Variants in PDE4D observed in about 807,000 individuals in gnomAD.
PDE4D encodes the protein phosphodiesterase 4D.
A neutral mutation model predicts 87.4 loss-of-function variants in PDE4D; 24 were observed. That is an observed-to-expected ratio of 0.27 (90% CI 0.20 to 0.39). The LOEUF is 0.39. Ranked by LOEUF, PDE4D falls within the 10% of genes least tolerant of loss-of-function variation. The pLI is 1.00. For synonymous variants in PDE4D, 384 were observed against 383.2 expected (o/e 1.00, Z -0.02); for missense variants, 714 against 1,041.0 (o/e 0.69, Z 4.32).
At chr5:59,412,292 T>A (rs1346407901) in intron 1 of PDE4D, among the ~76,000 whole-genome samples, 1 of 152,224 alleles carries the variant, frequency 6.6e-6, no homozygotes, top group East Asian at 1.9e-4. Flanking sequence ...TTATAAAGGC[T>A]ACTTCTGTTA....
chr5:59,672,620 A>ACTGCAAATTTTTTGTTT (rs1175278814), intron 1 of PDE4D, among the ~76,000 whole-genome samples: 21 of 152,194 alleles, frequency 1.4e-4, no homozygotes, highest in Non-Finnish European at 4.4e-5. Flanking sequence ...CATTTTTATT[A>ACTGCAAATTTTTTGTTT]CTGCAAATTT....
At chr5:60,004,020 C>T (rs1265633956) in intron 2 of PDE4D, among the ~76,000 whole-genome samples, 2 of 151,902 alleles carry the variant, frequency 1.3e-5, no homozygotes, top group South Asian at 2.1e-4. Context: ...ACATACAATA[C>T]AAAAATGTGC....
Position 58,971,897 on chromosome 5 carries a change from G to C in PDE4D, c.*2767C>G, listed in dbSNP as rs1482699754. The C allele has an allele frequency of 6.6e-6, 1 of 152,502 alleles. No individual in the cohort carries two copies. The highest frequency in any genetic ancestry group is 1.5e-5 in the Non-Finnish European group (1 of 68,008). The allele number at this position is 152,502 out of a possible 1,614,324, so 9.4% of individuals were successfully genotyped here. A position where few individuals can be genotyped will look rare whatever the true frequency, so the allele number is the denominator to read the frequency against. ...CAAGAGAGAAGGGCAAGGATAAGCA[G>C]ATTGTACAGTGCATTAGTCCCTGTC... On this transcript the variant is annotated 3_prime_UTR_variant, in exon 15 of 15. Coordinates refer to ENST00000340635, the MANE Select transcript of PDE4D (RefSeq NM_001104631.2).
intron 1 of PDE4D, among the ~76,000 whole-genome samples, chr5:59,330,944 G>T (rs1405290883): frequency 6.6e-6 from 1 of 152,074 alleles, no homozygotes; most frequent in African/African-American, 2.4e-5. Flanking sequence ...CAAGGGAAAC[G>T]CAGCCTCAAC....
intron 1 of PDE4D, among the ~76,000 whole-genome samples, chr5:60,437,145 T>C (rs1744826779): frequency 6.6e-6 from 1 of 152,124 alleles, no homozygotes; most frequent in Admixed American, 6.6e-5. Context: ...GTTGTTGTGA[T>C]AGTTGAACAT....
At chr5:60,166,818 A>G (rs1782950179) in intron 2 of PDE4D, among the ~76,000 whole-genome samples, 1 of 152,096 alleles carries the variant, frequency 6.6e-6, no homozygotes. Context: ...TTTTCTGTGT[A>G]TAGCATTCTT....
upstream of PDE4D, chr5:60,488,099 A>T (rs909563974): frequency 1.3e-5 from 2 of 152,630 alleles, no homozygotes; most frequent in East Asian, 3.9e-4. Context: ...GCTATAATCT[A>T]TGAAACTGAG....
At chr5:58,983,979 G>A (rs1457071740) in intron 11 of PDE4D, among the ~76,000 whole-genome samples, 1 of 152,146 alleles carries the variant, frequency 6.6e-6, no homozygotes, top group Non-Finnish European at 1.5e-5. Context: ...TTAAGACCTG[G>A]AGCTGAAACA....
At chr5:59,593,292 A>G (rs951197265) in intron 1 of PDE4D, among the ~76,000 whole-genome samples, 1 of 151,474 alleles carries the variant, frequency 6.6e-6, no homozygotes, top group East Asian at 1.9e-4. Flanking sequence ...TCAGCTGGGC[A>G]TGGTGGTTCG....
chr5:59,210,493 G>A (rs1749836413), intron 2 of PDE4D, among the ~76,000 whole-genome samples: 1 of 152,212 alleles, frequency 6.6e-6, no homozygotes, highest in African/African-American at 2.4e-5. Flanking sequence ...TTTGACATGG[G>A]AGGTAGGGAG....
At chr5:59,125,794 C>T in intron 5 of PDE4D, among the ~76,000 whole-genome samples, 1 of 152,064 alleles carries the variant, frequency 6.6e-6, no homozygotes, top group Non-Finnish European at 1.5e-5. Context: ...GGTCAGAAAA[C>T]ATCTAATCTA....
intron 2 of PDE4D, among the ~76,000 whole-genome samples, chr5:60,068,183 A>G (rs1772313852): frequency 6.6e-6 from 1 of 152,170 alleles, no homozygotes; most frequent in Admixed American, 6.5e-5. Flanking sequence ...ATTTCCACCA[A>G]CAGTGTGCAA....
rs569866709 is a variant in PDE4D, at chr5:59,491,850, C to T, written c.456-275882G>A. Among the ~76,000 whole-genome samples, 34 of 152,244 alleles carry T rather than the reference C, an allele frequency of 2.2e-4. No individual in the cohort carries two copies. The South Asian group carries it at 6.0e-3, about 27-fold the overall frequency. On this transcript the variant is annotated intron_variant, in intron 1 of 14. Transcript: ENST00000340635. The stretch of plus-strand genomic sequence containing the variant: ...GGGATAATGGATAAATTTTAGGTTG[C>T]CCAGGCAAGAAGCAGATAGGAGAAA...
chr5:59,280,029 G>T (rs1309153556), intron 1 of PDE4D, among the ~76,000 whole-genome samples: 1 of 151,978 alleles, frequency 6.6e-6, no homozygotes, highest in Non-Finnish European at 1.5e-5. Context: ...AGATATGCAG[G>T]ATTAAACAAT....
chr5:59,758,161 C>T (rs577237862), intron 1 of PDE4D, among the ~76,000 whole-genome samples: 77 of 152,256 alleles, frequency 5.1e-4, no homozygotes, highest in African/African-American at 1.8e-3. Context: ...AGTTTTAATG[C>T]TATTGGTTTC....
chr5:59,008,201 T>G (rs1053256299), intron 6 of PDE4D, among the ~76,000 whole-genome samples: 3 of 152,034 alleles, frequency 2.0e-5, no homozygotes, highest in Non-Finnish European at 4.4e-5. Context: ...AAAAATAATC[T>G]TGTATGAAAA....
intron 1 of PDE4D, among the ~76,000 whole-genome samples, chr5:59,707,500 T>C (rs1476633821): frequency 3.3e-5 from 5 of 152,162 alleles, no homozygotes; most frequent in African/African-American, 1.2e-4. Context: ...AAGATTTTTT[T>C]TAGGTTTTTA....
chr5:60,075,121 G>A (rs1182064665), intron 2 of PDE4D, among the ~76,000 whole-genome samples: 4 of 152,032 alleles, frequency 2.6e-5, no homozygotes. Context: ...TACTTATAGA[G>A]ACACTGTGTA....
chr5:59,906,517 C>T (rs1752837954), intron 3 of PDE4D, among the ~76,000 whole-genome samples: 1 of 152,132 alleles, frequency 6.6e-6, no homozygotes, highest in South Asian at 2.1e-4. Context: ...CATGTAATTA[C>T]ATGAGTAAAT....
Sources: allele counts gnomAD v4.1 joint callset (sites outside exome capture counted in the v4.1 genomes callset), GRCh38; gene constraint gnomAD v4.1.1; transcripts MANE v1.5; gene names NCBI Gene and HGNC (gene_info 2026-07-23, HGNC 2026-07-21).